Variants in WAPL observed in about 807,000 individuals in gnomAD.
WAPL encodes WAPL cohesin release factor.
WAPL carries 5 observed loss-of-function variants against 121.0 expected under a neutral mutation model. The ratio of observed to expected loss-of-function variants is 0.04; its 90% CI spans 0.02 to 0.09. The LOEUF (loss-of-function observed/expected upper bound fraction) is 0.09. Among genes scored for constraint, WAPL ranks in the 10% least tolerant of loss-of-function variants. The pLI, the probability that WAPL is intolerant of heterozygous loss-of-function variation, is 1.00. For missense variants in WAPL, 999 were observed against 1,410.8 expected, an observed-to-expected ratio of 0.71 and a Z score of 4.68; for synonymous variants, 480 against 481.5, an observed-to-expected ratio of 1.00 and a Z score of 0.04.
intron 3 of WAPL, among the ~76,000 whole-genome samples, chr10:86,497,878 C>T (rs758428068): frequency 6.6e-6 from 1 of 152,192 alleles, no homozygotes; most frequent in Non-Finnish European, 1.5e-5. Context: ...GGTCTTCAAA[C>T]ACAACTAACC....
chr10:86,486,210 G>T (rs1841928540), intron 4 of WAPL, among the ~76,000 whole-genome samples: 1 of 152,150 alleles, frequency 6.6e-6, no homozygotes, highest in African/African-American at 2.4e-5. Context: ...TATAACAAAG[G>T]TAACACTGGG....
intron 4 of WAPL, among the ~76,000 whole-genome samples, chr10:86,482,668 G>A (rs1841819903): frequency 6.6e-6 from 1 of 152,164 alleles, no homozygotes; most frequent in Admixed American, 6.5e-5. Flanking sequence ...CAAACAGCCA[G>A]CTTAATGAGG....
At chr10:86,517,176 A>T (rs1842570492) in intron 2 of WAPL, among the ~76,000 whole-genome samples, 1 of 152,240 alleles carries the variant, frequency 6.6e-6, no homozygotes, top group Non-Finnish European at 1.5e-5. Context: ...TTTGGCAGAG[A>T]GTCTACCATT....
chr10:86,469,623 G>A (rs1414521384), intron 8 of WAPL, among the ~76,000 whole-genome samples: 1 of 152,042 alleles, frequency 6.6e-6, no homozygotes, highest in Non-Finnish European at 1.5e-5. Flanking sequence ...TATAAAAAAA[G>A]GTCTTACATT....
At chr10:86,450,588 G>A (rs1200196927) in intron 15 of WAPL, among the ~76,000 whole-genome samples, 1 of 152,172 alleles carries the variant, frequency 6.6e-6, no homozygotes, top group East Asian at 1.9e-4. Context: ...GATCAAAGCG[G>A]TAGGTGCCAA....
rs1023124988 is a variant in WAPL at position 86,461,419 on chromosome 10, T to C, written c.2371-132A>G. On this transcript the variant is annotated intron_variant, in intron 9 of 18. Coordinates refer to ENST00000298767, the MANE Select transcript of WAPL (RefSeq NM_015045.5). ...TTTTATACATAAAATTGAACTAATT[T>C]TCAATTTTATCAGAATAGTCCACAT... The C allele has an allele frequency of 3.6e-5, 24 of 659,132 alleles. No homozygotes were observed. In the African/African-American group the frequency reaches 4.2e-4, roughly 11 times the overall value. 40.8% of individuals were successfully genotyped at this position (659,132 alleles called of 1,614,324 possible).
At chr10:86,470,884 T>C in intron 8 of WAPL, 108 bp downstream of exon 8, 1 of 841,242 alleles carries the variant, frequency 1.2e-6, no homozygotes, top group African/African-American at 1.7e-5. Context: ...GAACTCAATC[T>C]ATAATTAGGA....
In WAPL at chr10:86,460,482, C is replaced by T. The variant is rs1364732605; in HGVS notation, c.2497G>A (p.Asp833Asn). 32 of 1,613,104 alleles carry T rather than the reference C, an allele frequency of 2.0e-5. No individual in the cohort carries two copies. The highest frequency in any genetic ancestry group is 2.6e-5 in the Non-Finnish European group (31 of 1,179,690). The stretch of plus-strand genomic sequence containing the variant: ...TCATCCTCATCTCTACTTAAATGAT[C>T]CACACATTCTTTTACTAGGTGAAAA... ...HIVDKVKECV[D>N]HLSRDEDEEK... The change falls in exon 11 of 19, where the codon GAT (aspartate) becomes AAT (asparagine). Residue 833 changes from aspartate to asparagine, a missense_variant. Physicochemically the swap from Asp to Asn is conservative, Grantham distance 23. Transcript: ENST00000298767.
intron 11 of WAPL, among the ~76,000 whole-genome samples, chr10:86,459,602 C>T (rs1166827117): frequency 1.3e-5 from 2 of 152,146 alleles, no homozygotes; most frequent in South Asian, 4.1e-4. Flanking sequence ...TTAAGTCTTT[C>T]GTAAGAGTCA....
chr10:86,502,834 T>C (rs1842270960), intron 2 of WAPL, among the ~76,000 whole-genome samples: 2 of 152,190 alleles, frequency 1.3e-5, no homozygotes, highest in African/African-American at 2.4e-5. Context: ...TACCAAACTA[T>C]ATTACACTAC....
chr10:86,462,714 C>T (rs1403824732), intron 9 of WAPL, among the ~76,000 whole-genome samples: 2 of 128,598 alleles, frequency 1.6e-5, no homozygotes, highest in African/African-American at 6.3e-5. Flanking sequence ...AGAGTGAGAT[C>T]CCGTCTCAAA....
At chr10:86,458,038 A>G (rs1392025796) in intron 12 of WAPL, among the ~76,000 whole-genome samples, 1 of 152,236 alleles carries the variant, frequency 6.6e-6, no homozygotes. Context: ...GAATTCCTCC[A>G]AAATAAGAGG....
chr10:86,494,864 A>T (rs894718592), intron 4 of WAPL, among the ~76,000 whole-genome samples: 1 of 152,218 alleles, frequency 6.6e-6, no homozygotes, highest in South Asian at 2.1e-4. Flanking sequence ...GTAGAAGAAT[A>T]TCCAAAATTA....
chr10:86,457,327 T>TAAAAAAAAAAAAA (rs10668599), intron 12 of WAPL, among the ~76,000 whole-genome samples: 1 of 111,228 alleles, frequency 9.0e-6, no homozygotes, highest in African/African-American at 3.8e-5. Context: ...CTGTATCTAT[T>TAAAAAAAAAAAAA]AAAAAAAAAA....
At chr10:86,451,217 C>G (rs1008756349) in intron 15 of WAPL, among the ~76,000 whole-genome samples, 20 of 151,672 alleles carry the variant, frequency 1.3e-4, no homozygotes, top group Admixed American at 6.6e-5. Context: ...GCTGGGATTA[C>G]AGGCGTAAGC....
intron 15 of WAPL, among the ~76,000 whole-genome samples, chr10:86,451,465 A>T (rs955268709): frequency 7.9e-5 from 12 of 150,952 alleles, no homozygotes; most frequent in Non-Finnish European, 1.6e-4. Flanking sequence ...ACTTCGGCTC[A>T]CCGCAACTTC....
chr10:86,482,159 C>T (rs61856694), intron 4 of WAPL, among the ~76,000 whole-genome samples: 6,358 of 152,112 alleles, frequency 0.042, 202 homozygotes, highest in South Asian at 0.077. Flanking sequence ...CAATTCTGTA[C>T]CTATTTAGAT....
At chr10:86,502,651 C>T (rs922717582) in intron 2 of WAPL, among the ~76,000 whole-genome samples, 4 of 152,138 alleles carry the variant, frequency 2.6e-5, no homozygotes, top group African/African-American at 9.7e-5. Flanking sequence ...AGTCTATACA[C>T]ACAAATATAT....
At chr10:86,481,499 G>A (rs888449264) in intron 4 of WAPL, among the ~76,000 whole-genome samples, 7 of 151,978 alleles carry the variant, frequency 4.6e-5, no homozygotes, top group East Asian at 1.9e-4. Flanking sequence ...TCAGCCTCCC[G>A]AGTAGCTGGG....
Sources: allele counts gnomAD v4.1 joint callset (sites outside exome capture counted in the v4.1 genomes callset), GRCh38; gene constraint gnomAD v4.1.1; transcripts MANE v1.5; gene names NCBI Gene and HGNC (gene_info 2026-07-23, HGNC 2026-07-21).